RHPN1: variants seen among roughly 807,000 people sequenced by gnomAD.
RHPN1 encodes the protein rhophilin Rho GTPase binding protein 1.
A neutral mutation model predicts 74.7 loss-of-function variants in RHPN1; 77 were observed. The ratio of observed to expected loss-of-function variants is 1.03; its 90% CI spans 0.86 to 1.25. The LOEUF is 1.25. Ranked by LOEUF, RHPN1 falls within the 50% of genes most tolerant of loss-of-function variation. The pLI is 0.00. For missense variants in RHPN1, 987 were observed against 932.2 expected (o/e 1.06, Z -0.77); for synonymous variants, 444 against 414.5 (o/e 1.07, Z -0.87).
At chr8:143,366,138 T>A (rs1220872350), upstream of RHPN1, among the ~76,000 whole-genome samples, 2 of 85,254 alleles carry the variant, frequency 2.3e-5, no homozygotes, top group African/African-American at 5.5e-5. Flanking sequence ...GTCTCAATTT[T>A]TTTTTCTTTA....
At chr8:143,366,200 C>A (rs964719041), upstream of RHPN1, among the ~76,000 whole-genome samples, 1 of 152,032 alleles carries the variant, frequency 6.6e-6, no homozygotes, top group African/African-American at 2.4e-5. Context: ...GCAATTATCA[C>A]CTCATCTGCA....
At chr8:143,368,542 C>A (rs1049256190), upstream of RHPN1, 1 of 152,816 alleles carries the variant, frequency 6.5e-6, no homozygotes, top group Non-Finnish European at 1.5e-5. Context: ...TCCGCCCTGA[C>A]TCTCAGCTTG....
upstream of RHPN1, chr8:143,367,373 G>A (rs1223112658): frequency 1.3e-5 from 2 of 152,446 alleles, no homozygotes; most frequent in Admixed American, 6.5e-5. Context: ...GTGCAAGCCT[G>A]TAGTCCCAGC....
chr8:143,378,558 G>A (rs1006922708), intron 5 of RHPN1, 138 bp from the exon 6 acceptor site: 42 of 1,245,718 alleles, frequency 3.4e-5, no homozygotes, highest in African/African-American at 2.4e-4. Context: ...GCTGGCCTTC[G>A]GGAGTCACGG....
At chr8:143,365,775 A>G (rs1817549889), upstream of RHPN1, among the ~76,000 whole-genome samples, 1 of 152,134 alleles carries the variant, frequency 6.6e-6, no homozygotes, top group Non-Finnish European at 1.5e-5. Flanking sequence ...AGGTGGGCCA[A>G]TTGCTTGAGC....
At chr8:143,372,484 A>G (rs1817894641) in intron 1 of RHPN1, among the ~76,000 whole-genome samples, 1 of 151,828 alleles carries the variant, frequency 6.6e-6, no homozygotes, top group South Asian at 2.1e-4. Flanking sequence ...CCAAGTGCAC[A>G]TCGGCCCGTC....
rs1438430364 is a variant in RHPN1 at position 143,382,477 on chromosome 8, A to G, written c.1839A>G (p.Leu613=). The change falls in exon 15 of 15, where the codon CTA becomes CTG. Residue 613 remains leucine, a synonymous_variant. Coordinates refer to ENST00000289013, the MANE Select transcript of RHPN1 (RefSeq NM_052924.3). ...TCCTGCTGGGCCCCAGGGGGCTTCTAAGGAGCCAGAGGGAGCATGGTTGCA... is the reference window on the plus strand; with the variant it reads ...TCCTGCTGGGCCCCAGGGGGCTTCTGAGGAGCCAGAGGGAGCATGGTTGCA... ...RPVLLGPRGL[L]RSQREHGCKT... The G allele has an allele frequency of 6.3e-7, 1 of 1,596,998 alleles. No homozygotes were observed. Among genetic ancestry groups the G allele is most frequent in the East Asian group, 2.3e-5 (1 of 44,046 alleles).
Position 143,380,108 on chromosome 8 carries a change from G to GC in RHPN1, c.1155dup (p.Thr386HisfsTer4), listed in dbSNP as rs1473390375. 5 of 1,552,538 alleles carry GC rather than the reference G, an allele frequency of 3.2e-6. No individual in the cohort carries two copies. The African/African-American group carries it at 4.1e-5, about 13-fold the overall frequency. On this transcript the variant is annotated frameshift_variant, in exon 10 of 15. Transcript: ENST00000289013. LOFTEE classifies it high-confidence loss of function. ...CCACGCACGAGCAGGTCTTCCTGCAGCCCCCCACCTCCTCTAAGCCCCGAG... is the reference window on the plus strand; with the variant it reads ...CCACGCACGAGCAGGTCTTCCTGCAGCCCCCCCACCTCCTCTAAGCCCCGAG...
Position 143,382,974 on chromosome 8 carries a change from G to C in RHPN1, c.*323G>C, listed in dbSNP as rs967024570. 1.4e-5 allele frequency: 5 copies of C among 360,922 alleles called. No homozygotes were observed. Among genetic ancestry groups the C allele is most frequent in the African/African-American group, 1.0e-4 (5 of 47,938 alleles). The allele number at this position is 360,922 out of a possible 1,614,324, so 22.4% of individuals were successfully genotyped here. A position where few individuals can be genotyped will look rare whatever the true frequency, so the allele number is the denominator to read the frequency against. On this transcript the variant is annotated 3_prime_UTR_variant, in exon 15 of 15. Coordinates refer to ENST00000289013, the MANE Select transcript of RHPN1 (RefSeq NM_052924.3). ...TGTACCCCCGGGCTCTGTCCACCCT[G>C]CTGCTGCCCTGGGCACAGACCCTGA...
chr8:143,380,329 T>TG, intron 10 of RHPN1, 154 bp downstream of exon 10: 1 of 692,902 alleles, frequency 1.4e-6, no homozygotes, highest in Non-Finnish European at 2.4e-6. Flanking sequence ...GCCTGATGGG[T>TG]GACGGCCCAG....
chr8:143,375,987 G>GCGT (rs1184334051), intron 2 of RHPN1, among the ~76,000 whole-genome samples: 1 of 152,228 alleles, frequency 6.6e-6, no homozygotes, highest in Non-Finnish European at 1.5e-5. Flanking sequence ...AGGTGATGGC[G>GCGT]CGTCCCAAGG....
upstream of RHPN1, among the ~76,000 whole-genome samples, chr8:143,365,462 G>A (rs1817544935): frequency 1.3e-5 from 2 of 152,170 alleles, no homozygotes; most frequent in African/African-American, 2.4e-5. Flanking sequence ...GAGCTTGACC[G>A]GGCTCTGCAG....
rs776975102 is a variant in RHPN1, at chr8:143,382,868, C to T, written c.*217C>T. On this transcript the variant is annotated 3_prime_UTR_variant, in exon 15 of 15. Transcript: ENST00000289013. Reference sequence around the variant, plus strand: ...CCCACACACAGAAGGATGCCAGTCCCTCTGTCGGTCTGAGGTCAGCTTCCT... The same window carrying T: ...CCCACACACAGAAGGATGCCAGTCCTTCTGTCGGTCTGAGGTCAGCTTCCT... The T allele has an allele frequency of 1.7e-6, 1 of 582,730 alleles. No homozygotes were observed. The highest frequency in any genetic ancestry group is 3.0e-5 in the Admixed American group (1 of 33,072). 36.1% of individuals were successfully genotyped at this position (582,730 alleles called of 1,614,324 possible). A position where few individuals can be genotyped will look rare whatever the true frequency, so the allele number is the denominator to read the frequency against.
chr8:143,381,603 G>A lies in RHPN1; in HGVS notation c.1520G>A (p.Arg507Gln), dbSNP rs200789209. ...GPLSVFSAKN[R>Q]WRLVGPVHLT... ...CTGTCTGTGTTCTCAGCCAAGAACCGGTGGCGGCTGGTGGGGCCCGTCCAC... is the reference window on the plus strand; with the variant it reads ...CTGTCTGTGTTCTCAGCCAAGAACCAGTGGCGGCTGGTGGGGCCCGTCCAC... Residue 507 changes from arginine (R) to glutamine (Q), a missense_variant, in exon 13 of 15, where the codon CGG becomes CAG. Arg to Gln is a conservative substitution (Grantham distance 43). Transcript: ENST00000289013. The A allele has an allele frequency of 2.0e-5, 32 of 1,609,840 alleles. No individual in the cohort carries two copies. The highest frequency in any genetic ancestry group is 4.0e-5 in the African/African-American group (3 of 74,872).
At position 143,379,370 on chromosome 8, in the gene RHPN1, C is replaced by T. The variant is rs1243286720; in HGVS notation, c.807C>T (p.Ser269=). 4.4e-6 allele frequency: 7 copies of T among 1,603,554 alleles called. No homozygotes were observed. Among genetic ancestry groups the T allele is most frequent in the African/African-American group, 1.3e-5 (1 of 74,676 alleles). ...NFSHAPSPDM[S]AASLCALEQL... ...CCCATGCGCCGAGCCCAGACATGAG[C>T]GCTGCGTCCCTCTGCGCACTGGAGC... The change falls in exon 8 of 15, where the codon AGC becomes AGT. Residue 269 remains serine, a synonymous_variant. Transcript: ENST00000289013.
chr8:143,364,557 A>T (rs150011691), upstream of RHPN1, among the ~76,000 whole-genome samples: 917 of 150,448 alleles, frequency 6.1e-3, 5 homozygotes, highest in Admixed American at 0.013. This position sits in a 1 kb window ranked among gnomAD's most constrained non-coding sequence, Gnocchi z 4.5. Flanking sequence ...GGCTCCTTCT[A>T]CCATGCTCCC....
intron 1 of RHPN1, among the ~76,000 whole-genome samples, chr8:143,369,296 G>A (rs1166820005): frequency 6.6e-6 from 1 of 152,202 alleles, no homozygotes; most frequent in African/African-American, 2.4e-5. Flanking sequence ...AAGCGGGTTG[G>A]GGGGACGCCC....
Position 143,379,946 on chromosome 8 carries a change from G to T in RHPN1, c.1063G>T (p.Ala355Ser). 1 of 1,581,914 alleles carries T rather than the reference G, an allele frequency of 6.3e-7. No homozygotes were observed. ...CAAGGCCGAGTACTTCCGCTCCCTGGCCCACTACCACGTAGCCATGGCCCT... is the reference window on the plus strand; with the variant it reads ...CAAGGCCGAGTACTTCCGCTCCCTGTCCCACTACCACGTAGCCATGGCCCT... ...HVKAEYFRSL[A>S]HYHVAMALCD... Residue 355 changes from alanine (A) to serine (S), a missense_variant, in exon 9 of 15, where the codon GCC (alanine) becomes TCC (serine). Physicochemically the swap from Ala to Ser is moderately conservative, Grantham distance 99. Coordinates refer to ENST00000289013, the MANE Select transcript of RHPN1 (RefSeq NM_052924.3).
Position 143,382,642 on chromosome 8 carries a change from G to A in RHPN1, c.2004G>A (p.Gly668=). The change falls in exon 15 of 15, where the codon GGG becomes GGA. Residue 668 remains glycine, a synonymous_variant. Transcript: ENST00000289013. ...CGCCCTCATCCTTGAAGCACCCAGG[G>A]TGGCCGTGAGGGCCAGGATCCCTGC... ...PAPPSSLKHP[G]WP is the part of the protein sequence containing the mutation. The A allele has an allele frequency of 6.2e-7, 1 of 1,609,236 alleles. No individual in the cohort carries two copies. The highest frequency in any genetic ancestry group is 8.5e-7 in the Non-Finnish European group (1 of 1,179,478).
Sources: allele counts gnomAD v4.1 joint callset (sites outside exome capture counted in the v4.1 genomes callset), GRCh38; gene constraint gnomAD v4.1.1; non-coding constraint Gnocchi (gnomAD v3.1); transcripts MANE v1.5; gene names NCBI Gene and HGNC (gene_info 2026-07-23, HGNC 2026-07-21).